Variants in SIMC1 observed in about 807,000 individuals in gnomAD.
SIMC1 encodes the protein SUMO interacting motifs containing 1.
A neutral mutation model predicts 82.3 loss-of-function variants in SIMC1; 55 were observed. The ratio of observed to expected loss-of-function variants is 0.67; its 90% confidence interval spans 0.54 to 0.84. The LOEUF is 0.84. Ranked by LOEUF, SIMC1 falls within the 40% of genes least tolerant of loss-of-function variation. The probability of loss-of-function intolerance (pLI) is 0.00; values close to 1 mark genes in which losing one functional copy is unlikely to be tolerated. For missense variants in SIMC1, 915 were observed against 1,107.2 expected (o/e 0.83, Z 2.46); for synonymous variants, 353 against 426.3 (o/e 0.83, Z 2.12).
intron 4 of SIMC1, chr5:176,308,307 CG>C: frequency 6.9e-7 from 1 of 1,454,918 alleles, no homozygotes; most frequent in African/African-American, 1.4e-5. Flanking sequence ...ATCTTAACGA[CG>C]TTCTGATAAG....
chr5:176,318,861 C>G (rs1165787105), intron 5 of SIMC1, among the ~76,000 whole-genome samples: 1 of 152,096 alleles, frequency 6.6e-6, no homozygotes, highest in Non-Finnish European at 1.5e-5. Flanking sequence ...AGTCCCAGCA[C>G]TTTGGGAGGC....
intron 2 of SIMC1, among the ~76,000 whole-genome samples, chr5:176,294,223 G>T (rs138721784): frequency 0.14 from 21,387 of 151,988 alleles, 1,523 homozygotes; most frequent in Middle Eastern, 0.21. Flanking sequence ...TTTGAATTCT[G>T]ATTTTTTAAC....
intron 7 of SIMC1, among the ~76,000 whole-genome samples, chr5:176,329,691 CTAGT>C (rs1176037464): frequency 2.0e-5 from 3 of 151,962 alleles, no homozygotes; most frequent in Non-Finnish European, 4.4e-5. Context: ...GAACTGAACT[CTAGT>C]TAGTAGGTTT....
intron 1 of SIMC1, among the ~76,000 whole-genome samples, chr5:176,279,811 T>C (rs1240300268): frequency 6.6e-6 from 1 of 152,144 alleles, no homozygotes; most frequent in Non-Finnish European, 1.5e-5. Flanking sequence ...TCCTGAGTTC[T>C]AGTTTGATTG....
chr5:176,336,510 G>A (rs574824608), intron 7 of SIMC1, among the ~76,000 whole-genome samples: 1 of 152,320 alleles, frequency 6.6e-6, no homozygotes, highest in East Asian at 1.9e-4. Flanking sequence ...TTTGTCAAAT[G>A]TGAAAGACTT....
Position 176,290,446 on chromosome 5 carries a change from A to G in SIMC1, c.922A>G (p.Met308Val), listed in dbSNP as rs1225114179. ...HPQDVAYLQD[M>V]PRSPGDVPQS... ...ACAAGATGTGGCATACCTGCAAGACATGCCACGGTCACCAGGAGATGTGCC... is the reference window on the plus strand; with the variant it reads ...ACAAGATGTGGCATACCTGCAAGACGTGCCACGGTCACCAGGAGATGTGCC... The change falls in exon 2 of 10, where the codon ATG becomes GTG. Residue 308 changes from methionine (M) to valine (V), a missense_variant. Physicochemically the swap from Met to Val is conservative, Grantham distance 21 (BLOSUM62 1). Around this residue, in one of 2 missense-constraint regions of SIMC1, gnomAD observed 902 missense variants for 1,040.3 expected, o/e 0.87. Transcript: ENST00000429602. 1 of 1,613,886 alleles carries G rather than the reference A, an allele frequency of 6.2e-7. No homozygotes were observed. Among genetic ancestry groups the G allele is most frequent in the East Asian group, 2.2e-5 (1 of 44,890 alleles).
intron 1 of SIMC1, among the ~76,000 whole-genome samples, chr5:176,280,282 G>C (rs1236622396): frequency 6.6e-6 from 1 of 152,136 alleles, no homozygotes; most frequent in African/African-American, 2.4e-5. Flanking sequence ...TTTTATCAGA[G>C]ACTAGGATTG....
intron 7 of SIMC1, among the ~76,000 whole-genome samples, chr5:176,325,819 G>T (rs1164715968): frequency 6.6e-6 from 1 of 152,060 alleles, no homozygotes; most frequent in Non-Finnish European, 1.5e-5. Flanking sequence ...AGGCTTGGTG[G>T]GTGAATGAAA....
Position 176,252,509 on chromosome 5 carries a change from G to A in SIMC1, c.129+13872G>A, listed in dbSNP as rs530903783. Among the ~76,000 whole-genome samples, 427 of 149,788 alleles carry A rather than the reference G, an allele frequency of 2.9e-3. 1 individual carries two copies. Among genetic ancestry groups the A allele is most frequent in the Middle Eastern group, 0.011 (3 of 282 alleles). The stretch of plus-strand genomic sequence containing the variant: ...CTCCTCACATCCCAGACGGGGTGGC[G>A]GGGCAGAGGCGCTTCCCACATCTCA... On this transcript the variant is annotated intron_variant, in intron 1 of 9. Transcript: ENST00000429602.
intron 1 of SIMC1, among the ~76,000 whole-genome samples, chr5:176,287,326 G>A (rs1763334080): frequency 6.6e-6 from 1 of 152,318 alleles, no homozygotes; most frequent in African/African-American, 2.4e-5. Flanking sequence ...CATGTCCTTT[G>A]TAGGGACATG....
chr5:176,312,289 A>G (rs1392693107), intron 4 of SIMC1, among the ~76,000 whole-genome samples: 1 of 152,146 alleles, frequency 6.6e-6, no homozygotes, highest in African/African-American at 2.4e-5. Flanking sequence ...TAATCCCAAC[A>G]CTTTGGGAGA....
At chr5:176,266,112 C>T (rs1460659397) in intron 1 of SIMC1, among the ~76,000 whole-genome samples, 3 of 152,014 alleles carry the variant, frequency 2.0e-5, no homozygotes, top group Non-Finnish European at 2.9e-5. Context: ...TCTGAGGGCC[C>T]GGTGAGAAAT....
intron 1 of SIMC1, among the ~76,000 whole-genome samples, chr5:176,271,906 G>T (rs1184665567): frequency 2.3e-5 from 2 of 86,870 alleles, no homozygotes; most frequent in African/African-American, 4.3e-5. Flanking sequence ...TTATACATTA[G>T]TATATAATTG....
chr5:176,293,507 C>T (rs1763672452), intron 2 of SIMC1, among the ~76,000 whole-genome samples: 2 of 150,916 alleles, frequency 1.3e-5, no homozygotes, highest in African/African-American at 4.9e-5. Context: ...CTTTGGGAAG[C>T]CAAGACAGTC....
intron 1 of SIMC1, among the ~76,000 whole-genome samples, chr5:176,264,218 A>G (rs915219351): frequency 1.3e-5 from 2 of 152,108 alleles, no homozygotes; most frequent in African/African-American, 4.8e-5. Flanking sequence ...TGGCTCTACC[A>G]CCCTCAGCTC....
chr5:176,241,632 A>G lies in SIMC1; in HGVS notation c.129+2995A>G, dbSNP rs1875178. ...CCCGTGCAGTTGAAAATTTACATGT[A>G]ACATTTGACTCCTCGAAAACTTAAC... On this transcript the variant is annotated intron_variant, in intron 1 of 9. Transcript: ENST00000429602. Among the ~76,000 whole-genome samples the G allele has an allele frequency of 3.2e-4, 49 of 152,078 alleles. 1 individual carries two copies. Among genetic ancestry groups the G allele is most frequent in the African/African-American group, 5.6e-4 (23 of 41,354 alleles).
At position 176,345,618 on chromosome 5, in the gene SIMC1, C is replaced by T. The variant is rs1033403797; in HGVS notation, c.*173C>T. On this transcript the variant is annotated 3_prime_UTR_variant, in exon 10 of 10. Coordinates refer to ENST00000429602, the MANE Select transcript of SIMC1 (RefSeq NM_001308195.2). Reference sequence around the variant, plus strand: ...AATATCTTTTTTTAAATAATCCTATCCTAGCCTGTTCTCAAATATGGCTTA... The same window carrying T: ...AATATCTTTTTTTAAATAATCCTATTCTAGCCTGTTCTCAAATATGGCTTA... 5.3e-6 allele frequency: 3 copies of T among 566,966 alleles called. No individual in the cohort carries two copies. The highest frequency in any genetic ancestry group is 8.4e-6 in the Non-Finnish European group (3 of 358,468). 35.1% of individuals were successfully genotyped at this position (566,966 alleles called of 1,614,324 possible).
At chr5:176,336,156 C>T (rs749513099) in intron 7 of SIMC1, among the ~76,000 whole-genome samples, 9 of 151,886 alleles carry the variant, frequency 5.9e-5, no homozygotes, top group Admixed American at 5.9e-4. Flanking sequence ...ATACCTCCTG[C>T]GTTGAGCCTT....
chr5:176,307,667 T>C (rs986998692), intron 4 of SIMC1, among the ~76,000 whole-genome samples: 3 of 152,178 alleles, frequency 2.0e-5, no homozygotes, highest in Non-Finnish European at 4.4e-5. Flanking sequence ...CCCAAAGTGC[T>C]GGGATTACAG....
Sources: allele counts gnomAD v4.1 joint callset (sites outside exome capture counted in the v4.1 genomes callset), GRCh38; gene constraint gnomAD v4.1.1; regional missense constraint gnomAD v4.1.1; transcripts MANE v1.5; gene names NCBI Gene and HGNC (gene_info 2026-07-23, HGNC 2026-07-21).